The following ABCC8 variants were observed in gnomAD, a reference collection of about 807,000 sequenced individuals.
ABCC8 encodes ATP-binding cassette sub-family C member 8.
A neutral mutation model predicts 188.0 loss-of-function variants in ABCC8; 137 were observed. The ratio of observed to expected loss-of-function variants is 0.73; its 90% CI spans 0.63 to 0.84. The LOEUF (loss-of-function observed/expected upper bound fraction) is 0.84. ABCC8 is among the 40% of genes least tolerant of loss of function. ABCC8 has a pLI of 0.00. For missense variants in ABCC8, 1,750 were observed against 2,072.7 expected (o/e 0.84, Z 3.02); for synonymous variants, 797 against 846.5 (o/e 0.94, Z 1.01).
chr11:17,393,823 G>A, intron 37 of ABCC8, 64 bp from the exon 38 acceptor site: 1 of 1,613,910 alleles, frequency 6.2e-7, no homozygotes, highest in Non-Finnish European at 8.5e-7. Flanking sequence ...GCCTGGCTTG[G>A]GGGATGTGGA....
At chr11:17,435,813 A>T in intron 10 of ABCC8, 1 of 1,269,222 alleles carries the variant, frequency 7.9e-7, no homozygotes, top group East Asian at 2.3e-5. Context: ...GATACATGAG[A>T]GGGAAGATGA....
Position 17,428,393 on chromosome 11 carries a change from C to T in ABCC8, c.1936G>A (p.Val646Met), listed in dbSNP as rs992514622. Residue 646 changes from valine (V) to methionine (M), a missense_variant, in exon 14 of 39, where the codon GTG becomes ATG. By Grantham distance (21) the Val-to-Met change is conservative. Coordinates refer to ENST00000389817, the MANE Select transcript of ABCC8 (RefSeq NM_000352.6). ...SKYQAVPLRV[V>M]NRKRPAREDC... ...TCCCGGGCTGGACGCTTGCGGTTCA[C>T]AACCCTGAGGGGCTGGGGGTGGTTT... The T allele has an allele frequency of 6.2e-7, 1 of 1,613,658 alleles. No homozygotes were observed. Among genetic ancestry groups the T allele is most frequent in the Non-Finnish European group, 8.5e-7 (1 of 1,179,688 alleles).
chr11:17,467,698 A>G (rs1409290577), intron 3 of ABCC8, among the ~76,000 whole-genome samples: 3 of 152,204 alleles, frequency 2.0e-5, no homozygotes, highest in African/African-American at 7.2e-5. Flanking sequence ...TACCCAGGCC[A>G]GACATCAGCC....
chr11:17,420,455 G>T (rs1428982816), intron 16 of ABCC8, among the ~76,000 whole-genome samples: 2 of 152,320 alleles, frequency 1.3e-5, no homozygotes, highest in East Asian at 3.9e-4. Context: ...CTGTCTGTCA[G>T]CTGTCTCACC....
At position 17,394,290 on chromosome 11, in the gene ABCC8, G is replaced by A. The variant is rs1391041542; in HGVS notation, c.4521C>T (p.Ala1507=). The change falls in exon 37 of 39, where the codon GCC becomes GCT. Residue 1507 remains alanine (A), a synonymous_variant. Coordinates refer to ENST00000389817, the MANE Select transcript of ABCC8 (RefSeq NM_000352.6). ...RKTSIFIMDE[A]TASIDMATEN... Reference sequence around the variant, plus strand: ...CCGTGGCCATGTCAATGGAAGCCGTGGCCTCGTCCATGATGAAGATGCTGG... The same window carrying A: ...CCGTGGCCATGTCAATGGAAGCCGTAGCCTCGTCCATGATGAAGATGCTGG... 6.2e-7 allele frequency: 1 copy of A among 1,613,940 alleles called. No individual in the cohort carries two copies. Among genetic ancestry groups the A allele is most frequent in the East Asian group, 2.2e-5 (1 of 44,880 alleles).
chr11:17,428,418 T>A lies in ABCC8; in HGVS notation c.1924-13A>T. On this transcript the variant is annotated splice_polypyrimidine_tract_variant and intron_variant, in intron 13 of 38. Transcript: ENST00000389817. ...CAACCCTGAGGGGCTGGGGGTGGTT[T>A]GGAGGTGAGGACCCACTGGGCTGGG... The A allele has an allele frequency of 6.2e-7, 1 of 1,611,446 alleles. No individual in the cohort carries two copies. Among genetic ancestry groups the A allele is most frequent in the African/African-American group, 1.3e-5 (1 of 75,002 alleles).
Position 17,414,516 on chromosome 11 carries a change from G to T in ABCC8, c.2386C>A (p.Gln796Lys). Residue 796 changes from glutamine to lysine, a missense_variant, in exon 19 of 39, where the codon CAA becomes AAA. Transcript: ENST00000389817. ...NIIFESPFNK[Q>K]RYKMVIEACS... is the part of the protein sequence containing the mutation. Reference sequence around the variant, plus strand: ...CTCCCTCCGACAGGCTTTTACCGTTGTTTGTTGAAGGGACTCTCAAAGATG... The same window carrying T: ...CTCCCTCCGACAGGCTTTTACCGTTTTTTGTTGAAGGGACTCTCAAAGATG... 1.1e-5 allele frequency: 18 copies of T among 1,614,206 alleles called. No individual in the cohort carries two copies. The highest frequency in any genetic ancestry group is 1.5e-5 in the Non-Finnish European group (18 of 1,180,020).
At position 17,435,972 on chromosome 11, in the gene ABCC8, G is replaced by A. The variant is rs547139485; in HGVS notation, c.1631-3728C>T. On this transcript the variant is annotated intron_variant, in intron 10 of 38. Coordinates refer to ENST00000389817, the MANE Select transcript of ABCC8 (RefSeq NM_000352.6). ...TCAAAGCAATACCAGTGCCACGGTGGCAGATGGACATCGCCATGGGAAGAG... is the reference window on the plus strand; with the variant it reads ...TCAAAGCAATACCAGTGCCACGGTGACAGATGGACATCGCCATGGGAAGAG... 1.8e-5 allele frequency: 29 copies of A among 1,579,644 alleles called. 1 individual carries two copies. The South Asian group carries it at 2.9e-4, about 16-fold the overall frequency.
At chr11:17,450,934 G>A (rs558981822) in intron 7 of ABCC8, among the ~76,000 whole-genome samples, 5 of 151,972 alleles carry the variant, frequency 3.3e-5, no homozygotes, top group African/African-American at 1.2e-4. Flanking sequence ...TGATCCACCC[G>A]CCTCAGCCTC....
chr11:17,469,056 T>TCCCCCCCC (rs113636074), intron 3 of ABCC8, among the ~76,000 whole-genome samples: 1 of 133,936 alleles, frequency 7.5e-6, no homozygotes, highest in Non-Finnish European at 1.5e-5. Context: ...TCTCCCTCCC[T>TCCCCCCCC]CCTCCCTCCC....
intron 10 of ABCC8, among the ~76,000 whole-genome samples, chr11:17,438,510 C>T (rs1275805789): frequency 6.6e-6 from 1 of 152,182 alleles, no homozygotes; most frequent in African/African-American, 2.4e-5. Context: ...ATGGGTATCT[C>T]ACAATGGACA....
chr11:17,471,861 T>C (rs1848499878), intron 2 of ABCC8, among the ~76,000 whole-genome samples: 2 of 152,186 alleles, frequency 1.3e-5, no homozygotes, highest in South Asian at 4.1e-4. Flanking sequence ...AATGAAATGG[T>C]AGATATTGAT....
chr11:17,407,507 G>A (rs1045460197), intron 23 of ABCC8, 54 bp from the exon 24 acceptor site: 1 of 1,613,054 alleles, frequency 6.2e-7, no homozygotes. Context: ...GTTGGTGGGG[G>A]AAGGGGAAGT....
At chr11:17,450,630 C>A (rs1956776567) in intron 7 of ABCC8, among the ~76,000 whole-genome samples, 1 of 146,840 alleles carries the variant, frequency 6.8e-6, no homozygotes. Flanking sequence ...ATCTCCTGAC[C>A]TTGTGATCCA....
chr11:17,411,597 C>T (rs972361388), intron 21 of ABCC8, among the ~76,000 whole-genome samples: 3 of 152,118 alleles, frequency 2.0e-5, no homozygotes, highest in African/African-American at 7.2e-5. Context: ...TGCAAATGGC[C>T]TCCCTCTTTC....
chr11:17,436,010 T>G, intron 10 of ABCC8: 1 of 1,473,568 alleles, frequency 6.8e-7, no homozygotes, highest in Non-Finnish European at 9.5e-7. Flanking sequence ...CAACTGTAGA[T>G]AGTGATGTGG....
intron 12 of ABCC8, chr11:17,429,559 G>A (rs572499839): frequency 2.6e-5 from 4 of 152,384 alleles, no homozygotes; most frequent in South Asian, 4.1e-4. Context: ...CAGAGCCTGA[G>A]CTGCCTCACT....
At chr11:17,446,967 T>G (rs1339654541) in intron 8 of ABCC8, among the ~76,000 whole-genome samples, 1 of 152,182 alleles carries the variant, frequency 6.6e-6, no homozygotes, top group Non-Finnish European at 1.5e-5. Context: ...GGTAGAGGGA[T>G]CTGATATTTA....
intron 3 of ABCC8, among the ~76,000 whole-genome samples, chr11:17,469,292 C>T (rs1848349179): frequency 6.6e-6 from 1 of 151,978 alleles, no homozygotes; most frequent in Non-Finnish European, 1.5e-5. Context: ...GGGGTTTCTC[C>T]ATGTTGGTCA....
Sources: allele counts gnomAD v4.1 joint callset (sites outside exome capture counted in the v4.1 genomes callset), GRCh38; gene constraint gnomAD v4.1.1; transcripts MANE v1.5; gene names NCBI Gene and HGNC (gene_info 2026-07-23, HGNC 2026-07-21).